Variants in MYCBP2 observed in about 807,000 individuals in gnomAD.
MYCBP2 encodes the protein E3 ubiquitin-protein ligase MYCBP2.
MYCBP2 carries 120 observed loss-of-function variants against 525.3 expected under a neutral mutation model. The observed-to-expected ratio is 0.23, with a 90% CI of 0.20 to 0.27. The LOEUF (loss-of-function observed/expected upper bound fraction) is 0.27, where lower values mean the gene tolerates loss of function less well. Ranked by LOEUF, MYCBP2 falls within the 10% of genes least tolerant of loss-of-function variation. The probability of loss-of-function intolerance (pLI) is 1.00; values close to 1 mark genes in which losing one functional copy is unlikely to be tolerated. For synonymous variants in MYCBP2, 1,894 were observed against 1,955.8 expected, an observed-to-expected ratio of 0.97 and a Z score of 0.83; for missense variants, 4,149 against 5,657.1, an observed-to-expected ratio of 0.73 and a Z score of 8.55.
chr13:77,058,815 T>C lies in MYCBP2; in HGVS notation c.13141-409A>G, dbSNP rs373473643. Among the ~76,000 whole-genome samples, 100 of 151,922 alleles carry C rather than the reference T, an allele frequency of 6.6e-4. 1 individual carries two copies. In the East Asian group the frequency reaches 0.015, roughly 23 times the overall value. ...GCCTGACCAATATGGTGAAACCCCA[T>C]CTCTACTAAAAATACAAAAATTAAC... On this transcript the variant is annotated intron_variant, in intron 77 of 82. Coordinates refer to ENST00000544440, the MANE Select transcript of MYCBP2 (RefSeq NM_015057.5). This position sits in a 1 kb window ranked among gnomAD's most constrained non-coding sequence, Gnocchi z 4.1.
At chr13:77,088,363 T>C (rs1323895480) in intron 61 of MYCBP2, among the ~76,000 whole-genome samples, 1 of 152,254 alleles carries the variant, frequency 6.6e-6, no homozygotes, top group Non-Finnish European at 1.5e-5. Context: ...CATGAAGTGG[T>C]AGGTTATTTA....
chr13:77,069,977 G>A (rs190159968), intron 69 of MYCBP2, among the ~76,000 whole-genome samples: 8 of 152,128 alleles, frequency 5.3e-5, no homozygotes, highest in African/African-American at 7.2e-5. Context: ...ACAATATAGC[G>A]CTATTTCCTC....
At chr13:77,184,791 G>A (rs1203240146) in intron 32 of MYCBP2, among the ~76,000 whole-genome samples, 1 of 152,026 alleles carries the variant, frequency 6.6e-6, no homozygotes, top group Non-Finnish European at 1.5e-5. Context: ...GGGTGGCGGG[G>A]GCCTCCTGGT....
chr13:77,232,685 T>C (rs2067294800), intron 18 of MYCBP2, among the ~76,000 whole-genome samples: 2 of 152,094 alleles, frequency 1.3e-5, no homozygotes, highest in Non-Finnish European at 2.9e-5. Flanking sequence ...GTTGTTTATA[T>C]AAACTTAATT....
chr13:77,057,680 T>C (rs867970688), intron 78 of MYCBP2, among the ~76,000 whole-genome samples: 2 of 152,118 alleles, frequency 1.3e-5, no homozygotes, highest in African/African-American at 4.8e-5. Context: ...TTCTGTTGAT[T>C]ACAGAGGTTC....
intron 26 of MYCBP2, among the ~76,000 whole-genome samples, chr13:77,201,960 A>G (rs1373354420): frequency 2.0e-5 from 3 of 152,214 alleles, no homozygotes; most frequent in Non-Finnish European, 4.4e-5. Context: ...CAAAATTGAC[A>G]CCCTAACATC....
At chr13:77,116,204 A>C (rs1326173122) in intron 55 of MYCBP2, among the ~76,000 whole-genome samples, 1 of 152,036 alleles carries the variant, frequency 6.6e-6, no homozygotes, top group Non-Finnish European at 1.5e-5. Flanking sequence ...GTATAAACAA[A>C]GTTGAGTAAA....
chr13:77,070,451 G>T (rs1324386433), intron 69 of MYCBP2, among the ~76,000 whole-genome samples, 180 bp downstream of exon 69: 1 of 151,358 alleles, frequency 6.6e-6, no homozygotes, highest in Admixed American at 6.6e-5. Context: ...GCTATTGTTA[G>T]CCTTAGTGTA....
chr13:77,082,972 T>C, intron 63 of MYCBP2, 60 bp downstream of exon 63: 1 of 1,487,544 alleles, frequency 6.7e-7, no homozygotes. Context: ...ATTTCATACT[T>C]TGAATATTCC....
intron 11 of MYCBP2, among the ~76,000 whole-genome samples, chr13:77,261,758 A>C (rs1026655975): frequency 6.6e-6 from 1 of 152,086 alleles, no homozygotes; most frequent in African/African-American, 2.4e-5. Flanking sequence ...AAGTGAGCAC[A>C]GGCGGTTAGA....
At chr13:77,206,548 T>C in intron 24 of MYCBP2, 105 bp downstream of exon 24, 2 of 1,076,422 alleles carry the variant, frequency 1.9e-6, no homozygotes, top group East Asian at 5.6e-5. Context: ...ATTATTATTA[T>C]TTAACAAACA....
At chr13:77,181,995 A>G in intron 32 of MYCBP2, 73 bp from the exon 33 acceptor site, 1 of 1,176,794 alleles carries the variant, frequency 8.5e-7, no homozygotes, top group South Asian at 1.4e-5. Flanking sequence ...CTGAATACAT[A>G]AAAGGTAAAC....
At chr13:77,287,479 G>A (rs551236399) in intron 3 of MYCBP2, among the ~76,000 whole-genome samples, 9 of 152,226 alleles carry the variant, frequency 5.9e-5, no homozygotes, top group Admixed American at 1.3e-4. Context: ...GAGCCACTGC[G>A]CCCGGCCTAC....
intron 5 of MYCBP2, 57 bp from the exon 6 acceptor site, chr13:77,270,595 A>G: frequency 6.8e-7 from 1 of 1,479,760 alleles, no homozygotes; most frequent in Admixed American, 2.2e-5. Flanking sequence ...ACAAACACAG[A>G]ACAAAGATAC....
At chr13:77,122,608 T>G (rs1466874570) in intron 54 of MYCBP2, among the ~76,000 whole-genome samples, 2 of 146,838 alleles carry the variant, frequency 1.4e-5, no homozygotes, top group Non-Finnish European at 3.0e-5. Context: ...GAGAATGGCA[T>G]GAACCTGGGA....
At position 77,143,781 on chromosome 13, in the gene MYCBP2, C is replaced by CAGCCT. The variant is rs148315280; in HGVS notation, c.7303+659_7303+663dup. On this transcript the variant is annotated intron_variant, in intron 49 of 82. Coordinates refer to ENST00000544440, the MANE Select transcript of MYCBP2 (RefSeq NM_015057.5). ...TACAGATTACCTGGGTTATATGGTA[C>CAGCCT]AGCCTATTGGTCTTAGGCTACAATC... Among the ~76,000 whole-genome samples the CAGCCT allele has an allele frequency of 6.3e-3, 956 of 152,290 alleles. 11 individuals are homozygous for CAGCCT. Among genetic ancestry groups the CAGCCT allele is most frequent in the African/African-American group, 0.022 (921 of 41,550 alleles).
chr13:77,286,304 T>C (rs2076750333), intron 3 of MYCBP2, among the ~76,000 whole-genome samples: 1 of 152,162 alleles, frequency 6.6e-6, no homozygotes, highest in African/African-American at 2.4e-5. Flanking sequence ...AAAAAGGCAA[T>C]AGTCATAAAT....
intron 36 of MYCBP2, among the ~76,000 whole-genome samples, chr13:77,175,158 C>T (rs543975773): frequency 2.0e-5 from 3 of 150,366 alleles, no homozygotes; most frequent in African/African-American, 7.4e-5. Flanking sequence ...CCTCAAACTC[C>T]CAAGCTCAAG....
At chr13:77,084,980 T>C (rs1184712964) in intron 62 of MYCBP2, among the ~76,000 whole-genome samples, 3 of 151,926 alleles carry the variant, frequency 2.0e-5, no homozygotes, top group Non-Finnish European at 4.4e-5. Flanking sequence ...TGCCCTTTTC[T>C]TCTCTCAAGG....
Sources: allele counts gnomAD v4.1 joint callset (sites outside exome capture counted in the v4.1 genomes callset), GRCh38; gene constraint gnomAD v4.1.1; non-coding constraint Gnocchi (gnomAD v3.1); transcripts MANE v1.5; gene names NCBI Gene and HGNC (gene_info 2026-07-23, HGNC 2026-07-21).